SORL1: variants seen among roughly 807,000 people sequenced by gnomAD.
SORL1 encodes the protein sortilin related receptor 1.
SORL1 carries 127 observed loss-of-function variants against 273.7 expected under a neutral mutation model. That is an observed-to-expected ratio of 0.46 (90% CI 0.40 to 0.54). The LOEUF (loss-of-function observed/expected upper bound fraction) is 0.54, where lower values mean the gene tolerates loss of function less well. SORL1 is among the 20% of genes least tolerant of loss of function. The pLI is 0.00. For synonymous variants in SORL1, 1,031 were observed against 1,067.4 expected, an observed-to-expected ratio of 0.97 and a Z score of 0.66; for missense variants, 2,494 against 2,846.1, an observed-to-expected ratio of 0.88 and a Z score of 2.81.
chr11:121,529,021 A>T (rs1221607584), intron 11 of SORL1, among the ~76,000 whole-genome samples: 1 of 152,068 alleles, frequency 6.6e-6, no homozygotes, highest in South Asian at 2.1e-4. Context: ...AATTCTATCA[A>T]TTTTTGCTTT....
rs1377205224 is a variant in SORL1, at chr11:121,606,896, G to T, written c.5000G>T (p.Gly1667Val). Residue 1667 changes from glycine to valine, a missense_variant, in exon 36 of 48, where the codon GGT (glycine) becomes GTT (valine). Coordinates refer to ENST00000260197, the MANE Select transcript of SORL1 (RefSeq NM_003105.6). ...LQLSLPREAE[G>V]VIVGHWAPPI... ...CTGTCACTCCCCAGGGAAGCAGAAGGTGTGATTGTAGGCCACTGGGCTCCT... is the reference window on the plus strand; with the variant it reads ...CTGTCACTCCCCAGGGAAGCAGAAGTTGTGATTGTAGGCCACTGGGCTCCT... 1.2e-6 allele frequency: 2 copies of T among 1,614,202 alleles called. No individual in the cohort carries two copies. Among genetic ancestry groups the T allele is most frequent in the South Asian group, 2.2e-5 (2 of 91,086 alleles).
intron 40 of SORL1, among the ~76,000 whole-genome samples, chr11:121,613,398 C>T (rs1565354843): frequency 1.3e-5 from 2 of 152,150 alleles, no homozygotes; most frequent in African/African-American, 2.4e-5. Flanking sequence ...TTCTAAGTGG[C>T]GAAAGCTGCC....
rs1862702155 is a variant in SORL1 at position 121,563,013 on chromosome 11, G to A, written c.3049+3356G>A. ...GTATTGAGGGGTTGCTGTGTTATAA[G>A]TACCACAGTAATGTGCTTTGTGGGC... On this transcript the variant is annotated intron_variant, in intron 21 of 47. Transcript: ENST00000260197. This position sits in a 1 kb window ranked among gnomAD's most constrained non-coding sequence, Gnocchi z 4.2. 6.6e-6 allele frequency among the ~76,000 whole-genome samples: 1 copy of A among 152,200 alleles called. No individual in the cohort carries two copies. The highest frequency in any genetic ancestry group is 2.4e-5 in the African/African-American group (1 of 41,426).
chr11:121,621,890 A>G lies in SORL1; in HGVS notation c.6065-272A>G, dbSNP rs77890732. On this transcript the variant is annotated intron_variant, in intron 44 of 47. Coordinates refer to ENST00000260197, the MANE Select transcript of SORL1 (RefSeq NM_003105.6). The stretch of plus-strand genomic sequence containing the variant: ...TTCCTTCCTCACCACCCTTCTACCC[A>G]ACCCCATTTGTTTTTGTACACACTT... Among the ~76,000 whole-genome samples, 9 of 152,330 alleles carry G rather than the reference A, an allele frequency of 5.9e-5. No homozygotes were observed. In the East Asian group the frequency reaches 1.5e-3, roughly 26 times the overall value.
In SORL1 at chr11:121,596,115, A is replaced by G. The variant is rs138488297; in HGVS notation, c.4519+343A>G. Among the ~76,000 whole-genome samples the G allele has an allele frequency of 3.2e-4, 49 of 152,322 alleles. No homozygotes were observed. In the East Asian group the frequency reaches 8.7e-3, roughly 27 times the overall value. ...AAAGCCACAACTCTTCTGTATGTAC[A>G]TTCATTCTTCTGGAAGTATTTAGTG... On this transcript the variant is annotated intron_variant, in intron 32 of 47. Transcript: ENST00000260197. This position sits in a 1 kb window ranked among gnomAD's most constrained non-coding sequence, Gnocchi z 4.3.
At chr11:121,576,680 C>A in intron 24 of SORL1, 1 of 1,250,216 alleles carries the variant, frequency 8.0e-7, no homozygotes, top group South Asian at 1.7e-5. Flanking sequence ...CCTTCTTGGT[C>A]AAGCTCTGCT....
intron 21 of SORL1, among the ~76,000 whole-genome samples, chr11:121,562,577 C>T (rs932124652): frequency 2.6e-5 from 4 of 152,162 alleles, no homozygotes; most frequent in African/African-American, 9.7e-5. Context: ...GCTCATTAGT[C>T]CCTTTAGGAG....
intron 14 of SORL1, among the ~76,000 whole-genome samples, chr11:121,546,144 G>A (rs1862423203): frequency 6.6e-6 from 1 of 152,234 alleles, no homozygotes; most frequent in African/African-American, 2.4e-5. Context: ...GCAGGGTGTG[G>A]TTGGGAGTTG....
intron 21 of SORL1, among the ~76,000 whole-genome samples, chr11:121,566,282 G>A (rs1034432868): frequency 5.3e-5 from 8 of 151,862 alleles, no homozygotes; most frequent in African/African-American, 1.9e-4. Flanking sequence ...AAATTATTCG[G>A]AATTTTGAAG....
In SORL1 at chr11:121,522,649, C is replaced by T. The variant is rs139768032; in HGVS notation, c.1468C>T (p.Arg490Trp). Residue 490 changes from arginine to tryptophan, a missense_variant, in exon 10 of 48, where the codon CGG (arginine) becomes TGG (tryptophan). By Grantham distance (101) the Arg-to-Trp change is moderately radical. This residue lies in a region of SORL1 where 710 missense variants were observed against 882.5 expected (regional missense o/e 0.80). Coordinates refer to ENST00000260197, the MANE Select transcript of SORL1 (RefSeq NM_003105.6). Reference sequence around the variant, plus strand: ...CAGTCAGCTCCTCAACCTCCAGCTCCGGAGAATGCCCATCCTGTCCAAGGA... The same window carrying T: ...CAGTCAGCTCCTCAACCTCCAGCTCTGGAGAATGCCCATCCTGTCCAAGGA... ...RLSQLLNLQL[R>W]RMPILSKESA... 24 of 1,614,082 alleles carry T rather than the reference C, an allele frequency of 1.5e-5. No individual in the cohort carries two copies. Among genetic ancestry groups the T allele is most frequent in the Middle Eastern group, 1.6e-4 (1 of 6,084 alleles).
chr11:121,576,886 G>T (rs746983016), intron 24 of SORL1: 1 of 1,535,638 alleles, frequency 6.5e-7, no homozygotes, highest in South Asian at 1.2e-5. Context: ...CAAACCACAG[G>T]CTGTGTCTGT....
chr11:121,585,920 CACTTGT>C (rs921565265), intron 26 of SORL1, among the ~76,000 whole-genome samples: 5 of 152,178 alleles, frequency 3.3e-5, no homozygotes, highest in African/African-American at 1.2e-4. Context: ...TGCAATGCAA[CACTTGT>C]ACTTGTGGGC....
rs1860820416 is a variant in SORL1 at position 121,452,578 on chromosome 11, G to A, written c.247G>A (p.Ala83Thr). 1 of 1,522,250 alleles carries A rather than the reference G, an allele frequency of 6.6e-7. No homozygotes were observed. The highest frequency in any genetic ancestry group is 2.0e-5 in the Admixed American group (1 of 49,554). The allele number at this position is 1,522,250 out of a possible 1,614,324, so 94.3% of individuals were successfully genotyped here. A position where few individuals can be genotyped will look rare whatever the true frequency, so the allele number is the denominator to read the frequency against. Residue 83 changes from alanine (A) to threonine (T), a missense_variant, in exon 1 of 48, where the codon GCT becomes ACT. Ala to Thr is a moderately conservative substitution (Grantham distance 58). Coordinates refer to ENST00000260197, the MANE Select transcript of SORL1 (RefSeq NM_003105.6). The surrounding 1 kb of genome is among the most constrained non-coding windows in gnomAD (Gnocchi z 5.3). ...DEKPLRRKRS[A>T]ALQPEPIKVY... The stretch of plus-strand genomic sequence containing the variant: ...GAAGCCGCTCCGGAGGAAACGGAGC[G>A]CTGCCCTGCAGCCCGAGCCCATCAA...
chr11:121,496,427 G>A (rs984474602), intron 5 of SORL1, among the ~76,000 whole-genome samples: 1 of 152,218 alleles, frequency 6.6e-6, no homozygotes, highest in Non-Finnish European at 1.5e-5. Flanking sequence ...GGAAGGATCA[G>A]GCTCAGAGGT....
rs1015124660 is a variant in SORL1 at position 121,545,504 on chromosome 11, A to G, written c.2051+75A>G. 7 of 1,387,478 alleles carry G rather than the reference A, an allele frequency of 5.0e-6. No individual in the cohort carries two copies. In the Admixed American group the frequency reaches 7.3e-5, roughly 14 times the overall value. 85.9% of individuals were successfully genotyped at this position (1,387,478 alleles called of 1,614,324 possible). Reference sequence around the variant, plus strand: ...GCAGTGTTGGGGGAAGAGATTAGGCATGGTCCCTTTCCCTGAGCAAAGGAA... The same window carrying G: ...GCAGTGTTGGGGGAAGAGATTAGGCGTGGTCCCTTTCCCTGAGCAAAGGAA... On this transcript the variant is annotated intron_variant, in intron 14 of 47. Coordinates refer to ENST00000260197, the MANE Select transcript of SORL1 (RefSeq NM_003105.6).
chr11:121,543,466 T>C (rs1862377369), intron 12 of SORL1, 82 bp from the exon 13 acceptor site: 1 of 1,162,490 alleles, frequency 8.6e-7, no homozygotes, highest in Non-Finnish European at 1.2e-6. Context: ...CTGGTTCCTG[T>C]TCCTGGTGAA....
intron 43 of SORL1, among the ~76,000 whole-genome samples, chr11:121,620,660 C>T (rs1398331853): frequency 2.0e-5 from 3 of 152,166 alleles, no homozygotes; most frequent in Admixed American, 6.5e-5. Context: ...TAAGTAGAGC[C>T]TTGCCCTTTA....
chr11:121,552,788 A>G (rs1591323775), intron 16 of SORL1, among the ~76,000 whole-genome samples: 2 of 152,238 alleles, frequency 1.3e-5, no homozygotes, highest in East Asian at 1.9e-4. Flanking sequence ...CACTGAGTGT[A>G]TGGAATCAGG....
In SORL1 at chr11:121,520,737, G is replaced by T. The variant is rs1207387896; in HGVS notation, c.1292G>T (p.Gly431Val). The T allele has an allele frequency of 2.5e-6, 4 of 1,612,426 alleles. No homozygotes were observed. The highest frequency in any genetic ancestry group is 1.3e-5 in the African/African-American group (1 of 74,848). The change falls in exon 9 of 48, where the codon GGT becomes GTT. Residue 431 changes from glycine to valine, a missense_variant. Around this residue, in one of 3 missense-constraint regions of SORL1, gnomAD observed 710 missense variants for 882.5 expected, o/e 0.80. Transcript: ENST00000260197. The part of the protein sequence containing the change: ...QGVYIATLIN[G>V]SMNEENMRSV... Reference sequence around the variant, plus strand: ...GTCTACATTGCTACTCTGATTAATGGTTCTATGAATGAGGAGAACATGAGA... The same window carrying T: ...GTCTACATTGCTACTCTGATTAATGTTTCTATGAATGAGGAGAACATGAGA...
Sources: allele counts gnomAD v4.1 joint callset (sites outside exome capture counted in the v4.1 genomes callset), GRCh38; gene constraint gnomAD v4.1.1; regional missense constraint gnomAD v4.1.1; non-coding constraint Gnocchi (gnomAD v3.1); transcripts MANE v1.5; gene names NCBI Gene and HGNC (gene_info 2026-07-23, HGNC 2026-07-21).